PSD4: variants seen among roughly 807,000 people sequenced by gnomAD.
The protein encoded by PSD4 is PH and SEC7 domain-containing protein 4.
Under a neutral mutation model 112.5 loss-of-function variants are expected in PSD4, and 59 were observed. The observed-to-expected ratio is 0.52, with a 90% CI of 0.43 to 0.65. PSD4 has a LOEUF of 0.65. Among genes scored for constraint, PSD4 ranks in the 30% least tolerant of loss-of-function variants. The probability of loss-of-function intolerance (pLI) is 0.00; values close to 1 mark genes in which losing one functional copy is unlikely to be tolerated. For missense variants in PSD4, 1,267 were observed against 1,352.6 expected (o/e 0.94, Z 0.99); for synonymous variants, 533 against 540.0 (o/e 0.99, Z 0.18).
At chr2:113,190,694 A>G (rs577115383) in intron 5 of PSD4, among the ~76,000 whole-genome samples, 3 of 152,252 alleles carry the variant, frequency 2.0e-5, no homozygotes, top group Admixed American at 6.5e-5. Flanking sequence ...AGCTCAAGCA[A>G]TCCTCCCACC....
intron 3 of PSD4, 112 bp downstream of exon 3, chr2:113,185,185 C>T (rs1174869338): frequency 1.3e-6 from 2 of 1,570,172 alleles, no homozygotes; most frequent in Non-Finnish European, 1.7e-6. Flanking sequence ...GGGCTTCTCA[C>T]ATCAGGACTC....
chr2:113,180,046 A>G (rs1313696460), intron 1 of PSD4, among the ~76,000 whole-genome samples: 1 of 152,194 alleles, frequency 6.6e-6, no homozygotes, highest in Non-Finnish European at 1.5e-5. Context: ...TGAATAAGAA[A>G]CTGAAATGCA....
At position 113,184,964 on chromosome 2, in the gene PSD4, G is replaced by C. The variant is rs1398772930; in HGVS notation, c.1064G>C (p.Arg355Thr). The change falls in exon 3 of 17, where the codon AGG becomes ACG. Residue 355 changes from arginine to threonine, a missense_variant. This residue lies in a region of PSD4 where 723 missense variants were observed against 704.0 expected (regional missense o/e 1.03). Transcript: ENST00000245796. ...TCTCTCTCGACTTCTCAGGGAGATAGGCTTGGTCCTGCTCCATCTGCAGCA... is the reference window on the plus strand; with the variant it reads ...TCTCTCTCGACTTCTCAGGGAGATACGCTTGGTCCTGCTCCATCTGCAGCA... ...PPGHGESEGD[R>T]LGPAPSAAPC... 2 of 1,614,148 alleles carry C rather than the reference G, an allele frequency of 1.2e-6. No individual in the cohort carries two copies.
At chr2:113,179,686 A>G (rs1355492693) in intron 1 of PSD4, among the ~76,000 whole-genome samples, 1 of 152,170 alleles carries the variant, frequency 6.6e-6, no homozygotes, top group Non-Finnish European at 1.5e-5. Flanking sequence ...TATTTTACCC[A>G]GCCCCTATTC....
chr2:113,195,779 G>A lies in PSD4; in HGVS notation c.2225+9G>A. 1.2e-6 allele frequency: 2 copies of A among 1,614,142 alleles called. No individual in the cohort carries two copies. The highest frequency in any genetic ancestry group is 2.2e-5 in the South Asian group (2 of 91,082). ...AAGCTCGAGTGGGCCGTGTGAGTGA[G>A]ACTCCCTTTCCCCTCTCCCTCTCAC... On this transcript the variant is annotated intron_variant, in intron 11 of 16. Transcript: ENST00000245796.
rs1688604286 is a variant in PSD4, at chr2:113,196,153, A to G, written c.2232A>G (p.Glu744=). 3 of 1,610,284 alleles carry G rather than the reference A, an allele frequency of 1.9e-6. No individual in the cohort carries two copies. The highest frequency in any genetic ancestry group is 2.5e-6 in the Non-Finnish European group (3 of 1,176,874). ...RSEKLEWAVD[E]EDTARPEKAQ... is the part of the protein sequence containing the mutation. ...CCGATTCTCTGATGTTCAGGGATGA[A>G]GAAGACACAGCCAGACCTGAGAAGG... Residue 744 remains glutamate, a synonymous_variant, in exon 12 of 17, where the codon GAA becomes GAG. Transcript: ENST00000245796.
chr2:113,188,312 T>G (rs894871854), intron 5 of PSD4, among the ~76,000 whole-genome samples: 9 of 152,196 alleles, frequency 5.9e-5, no homozygotes, highest in African/African-American at 1.9e-4. Context: ...GTTGCGATCT[T>G]GGCTCACTGC....
In PSD4 at chr2:113,202,166, G is replaced by A. The variant is rs1255909796; in HGVS notation, c.*751G>A. 6.7e-6 allele frequency: 1 copy of A among 149,470 alleles called. No individual in the cohort carries two copies. Among genetic ancestry groups the A allele is most frequent in the African/African-American group, 2.4e-5 (1 of 40,972 alleles). The allele number at this position is 149,470 out of a possible 1,614,324, so 9.3% of individuals were successfully genotyped here. On this transcript the variant is annotated 3_prime_UTR_variant, in exon 17 of 17. Transcript: ENST00000245796. ...ATCAACAGAGCAGAGCTGATGGCAT[G>A]AGTGAGGGCTGGGCGGGGTGGGGCC... is the stretch of plus-strand genomic sequence containing the variant.
rs187152547 is a variant in PSD4 at position 113,197,402 on chromosome 2, T to C, written c.2387-162T>C. ...GACTCTATATGTTTGTTTACGATTG[T>C]ATGTGTTTTCTTGTGTTGGCATGTT... On this transcript the variant is annotated intron_variant, in intron 12 of 16. Transcript: ENST00000245796. The C allele has an allele frequency of 9.4e-6, 7 of 742,804 alleles. No individual in the cohort carries two copies. The East Asian group carries it at 1.9e-4, about 20-fold the overall frequency. 46.0% of individuals were successfully genotyped at this position (742,804 alleles called of 1,614,324 possible). A position where few individuals can be genotyped will look rare whatever the true frequency, so the allele number is the denominator to read the frequency against.
In PSD4 at chr2:113,193,030, C is replaced by T. The variant is rs202129534; in HGVS notation, c.1839-18C>T. ...CCAGGCCCCTGGTGCAGACTCCATG[C>T]CCCTTTTCCCTCTGCAGCAATGACT... On this transcript the variant is annotated intron_variant, in intron 6 of 16. Transcript: ENST00000245796. 3.6e-5 allele frequency: 58 copies of T among 1,611,172 alleles called. No individual in the cohort carries two copies. The African/African-American group carries it at 7.3e-4, about 20-fold the overall frequency.
intron 16 of PSD4, among the ~76,000 whole-genome samples, chr2:113,200,761 C>T (rs1219440140): frequency 6.6e-6 from 1 of 152,182 alleles, no homozygotes; most frequent in South Asian, 2.1e-4. Flanking sequence ...TCCACAGATG[C>T]CAATTGTTAA....
chr2:113,189,943 A>G (rs1366063021), intron 5 of PSD4, among the ~76,000 whole-genome samples: 2 of 151,388 alleles, frequency 1.3e-5, no homozygotes, highest in African/African-American at 4.9e-5. Context: ...GATTGTGGAG[A>G]TTTTTTCCCA....
chr2:113,200,468 G>T (rs1077947), intron 16 of PSD4, among the ~76,000 whole-genome samples: 9 of 152,194 alleles, frequency 5.9e-5, no homozygotes, highest in Admixed American at 2.0e-4. Flanking sequence ...CTATCCCTTG[G>T]CTTGTTGGTT....
At chr2:113,191,720 T>C (rs1415662251) in intron 5 of PSD4, among the ~76,000 whole-genome samples, 2 of 152,330 alleles carry the variant, frequency 1.3e-5, no homozygotes, top group South Asian at 4.1e-4. Context: ...TTAGATTGGA[T>C]TGAGTGACAT....
rs1463752976 is a variant in PSD4, at chr2:113,201,506, A to G, written c.*91A>G. 4.0e-6 allele frequency: 6 copies of G among 1,503,742 alleles called. No individual in the cohort carries two copies. In the East Asian group the frequency reaches 6.8e-5, roughly 17 times the overall value. The allele number at this position is 1,503,742 out of a possible 1,614,324, so 93.1% of individuals were successfully genotyped here. On this transcript the variant is annotated 3_prime_UTR_variant, in exon 17 of 17. Transcript: ENST00000245796. Reference sequence around the variant, plus strand: ...GGAGACTTATTTCAATGAGTCCACCATGACGGATGAGGCACCTCCTTTCCC... The same window carrying G: ...GGAGACTTATTTCAATGAGTCCACCGTGACGGATGAGGCACCTCCTTTCCC...
At chr2:113,195,673 T>G in intron 10 of PSD4, 54 bp from the exon 11 acceptor site, 1 of 1,608,018 alleles carries the variant, frequency 6.2e-7, no homozygotes, top group Non-Finnish European at 8.5e-7. Context: ...ACAAAGAGAC[T>G]TTAGGCTCCA....
chr2:113,195,165 C>G (rs74434608), intron 10 of PSD4, among the ~76,000 whole-genome samples: 1 of 145,820 alleles, frequency 6.9e-6, no homozygotes, highest in Non-Finnish European at 1.5e-5. Flanking sequence ...TGGTCATCAT[C>G]TTTTTTTTTT....
Position 113,193,239 on chromosome 2 carries a change from C to T in PSD4, c.1920-19C>T. 1 of 1,579,254 alleles carries T rather than the reference C, an allele frequency of 6.3e-7. No homozygotes were observed. Among genetic ancestry groups the T allele is most frequent in the Non-Finnish European group, 8.6e-7 (1 of 1,163,410 alleles). The stretch of plus-strand genomic sequence containing the variant: ...CTAAGCTCCCGGGCTCTCTCCTTGA[C>T]CCTGGCCCTCCTTTGCAGGAGCTTC... On this transcript the variant is annotated intron_variant, in intron 7 of 16. Transcript: ENST00000245796.
intron 14 of PSD4, 155 bp downstream of exon 14, chr2:113,198,068 G>A: frequency 2.0e-6 from 2 of 984,680 alleles, no homozygotes; most frequent in Non-Finnish European, 2.9e-6. Flanking sequence ...AGCAGGAAGA[G>A]GAGCTGGGGA....
Sources: gnomAD v4.1 joint callset for allele counts (sites outside exome capture counted in the v4.1 genomes callset) on GRCh38, gnomAD v4.1.1 for gene constraint, gnomAD v4.1.1 regional missense constraint, MANE v1.5 for transcripts, NCBI Gene and HGNC (gene_info 2026-07-23, HGNC 2026-07-21) for gene names.